The following DMXL2 variants were observed in gnomAD, a reference collection of about 807,000 sequenced individuals.
DMXL2 encodes the protein Dmx like 2.
Under a neutral mutation model 331.1 loss-of-function variants are expected in DMXL2, and 103 were observed. The ratio of observed to expected loss-of-function variants is 0.31; its 90% confidence interval spans 0.27 to 0.37. DMXL2 has a LOEUF of 0.37. DMXL2 is among the 10% of genes least tolerant of loss of function. The pLI, the probability that DMXL2 is intolerant of heterozygous loss-of-function variation, is 1.00. For missense variants in DMXL2, 3,171 were observed against 3,642.9 expected, an observed-to-expected ratio of 0.87 and a Z score of 3.33; for synonymous variants, 1,281 against 1,252.1, an observed-to-expected ratio of 1.02 and a Z score of -0.49.
chr15:51,500,348 T>G (rs1018731934), intron 17 of DMXL2, 117 bp from the exon 18 acceptor site: 2 of 1,061,414 alleles, frequency 1.9e-6, no homozygotes, highest in African/African-American at 3.2e-5. Context: ...TTCTTCAGAA[T>G]ATCTCTGCAG....
intron 1 of DMXL2, among the ~76,000 whole-genome samples, chr15:51,581,220 T>C (rs2051391852): frequency 6.6e-6 from 1 of 152,130 alleles, no homozygotes. Context: ...TCAAGCCCTA[T>C]TGTAAACTGC....
chr15:51,595,657 T>TGACTTCAAA (rs2052744418), intron 1 of DMXL2, among the ~76,000 whole-genome samples: 1 of 152,216 alleles, frequency 6.6e-6, no homozygotes, highest in South Asian at 2.1e-4. Context: ...TCACGCCACC[T>TGACTTCAAA]GACTTCAAAC....
chr15:51,518,517 C>T (rs974545638), intron 13 of DMXL2, among the ~76,000 whole-genome samples: 1 of 152,152 alleles, frequency 6.6e-6, no homozygotes, highest in East Asian at 1.9e-4. Context: ...TGAATGCATA[C>T]TTACTCCCTG....
chr15:51,540,924 T>C (rs2048559395), intron 9 of DMXL2, among the ~76,000 whole-genome samples: 1 of 152,178 alleles, frequency 6.6e-6, no homozygotes, highest in Non-Finnish European at 1.5e-5. Context: ...GCTCATCCTC[T>C]GTGATCCTAT....
At chr15:51,594,530 A>T (rs1263056515) in intron 1 of DMXL2, among the ~76,000 whole-genome samples, 1 of 152,130 alleles carries the variant, frequency 6.6e-6, no homozygotes, top group Admixed American at 6.5e-5. Context: ...TTCCAATCAA[A>T]AGAAAAAGAG....
chr15:51,457,399 C>T lies in DMXL2; in HGVS notation c.8266G>A (p.Ala2756Thr), dbSNP rs1214513580. ...LYQPSATSYS[A>T]SQVHPPSSLP... is the part of the protein sequence containing the mutation. ...GATGAAGGTGGATGCACCTGACTTGCTGAATAGGATGTTGCACTGGGTTGA... is the reference window on the plus strand; with the variant it reads ...GATGAAGGTGGATGCACCTGACTTGTTGAATAGGATGTTGCACTGGGTTGA... The change falls in exon 37 of 44, where the codon GCA (alanine) becomes ACA (threonine). Residue 2756 changes from alanine (A) to threonine (T), a missense_variant. Ala to Thr is a moderately conservative substitution (Grantham distance 58). This residue lies in a region of DMXL2 where 766 missense variants were observed against 940.5 expected (regional missense o/e 0.81). Transcript: ENST00000560891. 16 of 1,614,090 alleles carry T rather than the reference C, an allele frequency of 9.9e-6. No homozygotes were observed. The highest frequency in any genetic ancestry group is 6.7e-5 in the Admixed American group (4 of 60,008).
chr15:51,489,369 C>T (rs999703023), intron 20 of DMXL2, among the ~76,000 whole-genome samples: 5 of 152,110 alleles, frequency 3.3e-5, no homozygotes, highest in African/African-American at 1.2e-4. Flanking sequence ...AAATGCTTTA[C>T]TCTCGGGCCG....
intron 28 of DMXL2, 30 bp downstream of exon 28, chr15:51,474,314 C>G (rs756018002): frequency 1.3e-6 from 2 of 1,554,906 alleles, no homozygotes; most frequent in Non-Finnish European, 1.7e-6. Context: ...TTAACATTTA[C>G]ATACATTACT....
At chr15:51,515,282 G>A (rs867360472) in intron 14 of DMXL2, among the ~76,000 whole-genome samples, 2 of 152,094 alleles carry the variant, frequency 1.3e-5, no homozygotes, top group Non-Finnish European at 2.9e-5. Flanking sequence ...GCTTATTTTG[G>A]AAGTGTATTA....
intron 1 of DMXL2, among the ~76,000 whole-genome samples, chr15:51,597,147 G>C (rs1465050444): frequency 6.6e-6 from 1 of 152,076 alleles, no homozygotes; most frequent in African/African-American, 2.4e-5. Flanking sequence ...CTAAGACAAT[G>C]TTTTAAATTC....
Position 51,530,179 on chromosome 15 carries a change from G to T in DMXL2, c.2436+5484C>A, listed in dbSNP as rs138604776. On this transcript the variant is annotated intron_variant, in intron 13 of 43. Transcript: ENST00000560891. ...CCTCTAAGATCTAGAACACAATAAG[G>T]ATGCTCACTTTCACCACTGTTATTC... Among the ~76,000 whole-genome samples, 1,453 of 152,132 alleles carry T rather than the reference G, an allele frequency of 9.6e-3. 20 individuals are homozygous for T. Among genetic ancestry groups the T allele is most frequent in the African/African-American group, 0.034 (1,397 of 41,510 alleles).
intron 6 of DMXL2, among the ~76,000 whole-genome samples, chr15:51,560,910 C>T (rs1223145413): frequency 6.6e-6 from 1 of 151,580 alleles, no homozygotes; most frequent in Non-Finnish European, 1.5e-5. Flanking sequence ...GAGTAGGGTA[C>T]ATGTGTATTT....
chr15:51,461,311 A>G (rs547099053), intron 33 of DMXL2, among the ~76,000 whole-genome samples: 15 of 152,264 alleles, frequency 9.9e-5, no homozygotes, highest in African/African-American at 3.1e-4. Context: ...GTTAAGGAAG[A>G]AGCAAACTCG....
chr15:51,477,675 G>A (rs1295348085), intron 26 of DMXL2, among the ~76,000 whole-genome samples: 1 of 151,830 alleles, frequency 6.6e-6, no homozygotes, highest in African/African-American at 2.4e-5. Context: ...TTAAATCTAG[G>A]TTATCTTTCC....
chr15:51,620,166 T>C (rs2054538778), intron 1 of DMXL2, among the ~76,000 whole-genome samples: 2 of 152,184 alleles, frequency 1.3e-5, no homozygotes, highest in Admixed American at 6.5e-5. Flanking sequence ...AGCTTGTTTT[T>C]TGTTTTGTTT....
chr15:51,474,646 A>G, intron 27 of DMXL2, 54 bp from the exon 28 acceptor site: 1 of 1,511,264 alleles, frequency 6.6e-7, no homozygotes, highest in Non-Finnish European at 8.9e-7. Flanking sequence ...CACCAGAAGG[A>G]AAAAACATCC....
At chr15:51,491,904 TAA>T (rs915542993) in intron 19 of DMXL2, among the ~76,000 whole-genome samples, 157 bp from the exon 20 acceptor site, 1 of 152,220 alleles carries the variant, frequency 6.6e-6, no homozygotes, top group Non-Finnish European at 1.5e-5. Context: ...CTTTATACTA[TAA>T]AAGTTTCTGA....
intron 21 of DMXL2, 99 bp from the exon 22 acceptor site, chr15:51,488,218 A>G (rs1208845313): frequency 8.8e-7 from 1 of 1,133,224 alleles, no homozygotes; most frequent in Non-Finnish European, 1.2e-6. Flanking sequence ...AGAAATCTAA[A>G]AGAAGAACAA....
At chr15:51,534,647 T>C (rs530261362) in intron 13 of DMXL2, among the ~76,000 whole-genome samples, 1 of 152,306 alleles carries the variant, frequency 6.6e-6, no homozygotes, top group East Asian at 1.9e-4. Context: ...ATTCTATTTT[T>C]CTAGACTTTC....
Sources: allele counts gnomAD v4.1 joint callset (sites outside exome capture counted in the v4.1 genomes callset), GRCh38; gene constraint gnomAD v4.1.1; regional missense constraint gnomAD v4.1.1; transcripts MANE v1.5; gene names NCBI Gene and HGNC (gene_info 2026-07-23, HGNC 2026-07-21).